Variants in AREL1 observed in about 807,000 individuals in gnomAD.
AREL1 encodes the protein apoptosis resistant E3 ubiquitin protein ligase 1, also known as apoptosis-resistant E3 ubiquitin protein ligase 1.
Under a neutral mutation model 99.0 loss-of-function variants are expected in AREL1, and 62 were observed. That is an observed-to-expected ratio of 0.63 (90% CI 0.51 to 0.77). The LOEUF (loss-of-function observed/expected upper bound fraction) is 0.77. Among genes scored for constraint, AREL1 ranks in the 30% least tolerant of loss-of-function variants. The probability of loss-of-function intolerance (pLI) is 0.00; values close to 1 mark genes in which losing one functional copy is unlikely to be tolerated. For synonymous variants in AREL1, 380 were observed against 376.5 expected, an observed-to-expected ratio of 1.01 and a Z score of -0.11; for missense variants, 879 against 1,027.6, an observed-to-expected ratio of 0.86 and a Z score of 1.98.
intron 15 of AREL1, among the ~76,000 whole-genome samples, chr14:74,669,188 G>A (rs372127621): frequency 6.6e-6 from 1 of 152,098 alleles, no homozygotes; most frequent in Admixed American, 6.6e-5. Context: ...GAGCCACTGC[G>A]CCCAGCCAAA....
chr14:74,683,190 T>A, intron 5 of AREL1, 106 bp downstream of exon 5: 2 of 777,304 alleles, frequency 2.6e-6, no homozygotes, highest in Non-Finnish European at 4.1e-6. Context: ...TTTTATGGCA[T>A]GGGAATTAAA....
chr14:74,701,960 C>T (rs2090092757), intron 1 of AREL1, among the ~76,000 whole-genome samples: 1 of 152,218 alleles, frequency 6.6e-6, no homozygotes, highest in Non-Finnish European at 1.5e-5. Context: ...GACTCCATGT[C>T]TCACATCCAG....
At chr14:74,699,376 T>TGTGA (rs1293143164) in intron 1 of AREL1, among the ~76,000 whole-genome samples, 172 of 135,606 alleles carry the variant, frequency 1.3e-3, no homozygotes, top group Middle Eastern at 3.7e-3. Flanking sequence ...TGTGTGTGTG[T>TGTGA]GAGAGAGAGA....
At chr14:74,678,341 A>G (rs2089542419) in intron 5 of AREL1, 2 of 381,204 alleles carry the variant, frequency 5.2e-6, no homozygotes, top group East Asian at 1.6e-4. Context: ...TACAAAAAAG[A>G]TAAAAAATTA....
At chr14:74,698,440 TCA>T (rs904028665) in intron 1 of AREL1, among the ~76,000 whole-genome samples, 10 of 152,182 alleles carry the variant, frequency 6.6e-5, no homozygotes, top group Non-Finnish European at 1.2e-4. Flanking sequence ...ACTCGATAAT[TCA>T]CAGACTACCA....
intron 9 of AREL1, among the ~76,000 whole-genome samples, chr14:74,673,505 CAATACGG>C (rs1359904507): frequency 6.6e-6 from 1 of 152,030 alleles, no homozygotes; most frequent in Non-Finnish European, 1.5e-5. Context: ...CAATAAATGG[CAATACGG>C]TGATATATTA....
Position 74,672,905 on chromosome 14 carries a change from G to A in AREL1, c.1348C>T (p.Leu450Phe). ...GGTCTTTTCATATGTACCTGCCGAA[G>A]CTCTCGCTGGAAAAAGTTCACCTTG... Reference protein sequence around the residue: ...QDKVNFFQRELRQVHMKRPHS... With the variant: ...QDKVNFFQREFRQVHMKRPHS... Residue 450 changes from leucine (L) to phenylalanine (F), a missense_variant, in exon 11 of 20, where the codon CTT becomes TTT. By Grantham distance (22) the Leu-to-Phe change is conservative (BLOSUM62 0). Coordinates refer to ENST00000356357, the MANE Select transcript of AREL1 (RefSeq NM_001039479.2). The A allele has an allele frequency of 6.2e-7, 1 of 1,614,130 alleles. No homozygotes were observed. The highest frequency in any genetic ancestry group is 8.5e-7 in the Non-Finnish European group (1 of 1,180,022).
chr14:74,683,917 G>C (rs1239173712), intron 4 of AREL1, among the ~76,000 whole-genome samples: 2 of 152,220 alleles, frequency 1.3e-5, no homozygotes, highest in Non-Finnish European at 2.9e-5. Flanking sequence ...GGCAATGAGT[G>C]AACTAAAGCG....
At chr14:74,711,208 G>C (rs1490104942) in intron 1 of AREL1, among the ~76,000 whole-genome samples, 1 of 141,016 alleles carries the variant, frequency 7.1e-6, no homozygotes, top group Non-Finnish European at 1.5e-5. Context: ...TCCAGCCTGG[G>C]TAACAAGAGC....
rs747387615 is a variant in AREL1, at chr14:74,684,525, G to A, written c.172C>T (p.Arg58Trp). Residue 58 changes from arginine (R) to tryptophan (W), a missense_variant, in exon 4 of 20, where the codon CGG becomes TGG. Coordinates refer to ENST00000356357, the MANE Select transcript of AREL1 (RefSeq NM_001039479.2). ...DYVRGNYLDPRSCKVSWDWKD... is the reference protein window; with the variant it reads ...DYVRGNYLDPWSCKVSWDWKD... Reference sequence around the variant, plus strand: ...CAATCCCAGGAGACTTTGCAAGACCGGGGATCCAGGTAATTTCCCCGCACG... The same window carrying A: ...CAATCCCAGGAGACTTTGCAAGACCAGGGATCCAGGTAATTTCCCCGCACG... 16 of 1,614,136 alleles carry A rather than the reference G, an allele frequency of 9.9e-6. No homozygotes were observed. The highest frequency in any genetic ancestry group is 4.4e-5 in the South Asian group (4 of 91,076).
chr14:74,698,876 A>G, intron 1 of AREL1: 1 of 201,556 alleles, frequency 5.0e-6, no homozygotes, highest in South Asian at 5.7e-5. Context: ...AAAAAAAAAA[A>G]AGCTGGGTGT....
intron 1 of AREL1, among the ~76,000 whole-genome samples, chr14:74,700,482 T>C (rs906202055): frequency 2.0e-5 from 3 of 152,200 alleles, no homozygotes; most frequent in African/African-American, 7.2e-5. Context: ...TCAGAAATAT[T>C]TAATTTGAAA....
rs554168539 is a variant in AREL1, at chr14:74,670,446, G to A, written c.1608+316C>T. On this transcript the variant is annotated intron_variant, in intron 13 of 19. Coordinates refer to ENST00000356357, the MANE Select transcript of AREL1 (RefSeq NM_001039479.2). ...CTCCTGACACCTTTGTCTAGACAAA[G>A]ATCTAGTACAGGAATCATTTGCTTC... Among the ~76,000 whole-genome samples, 3 of 152,256 alleles carry A rather than the reference G, an allele frequency of 2.0e-5. No homozygotes were observed. In the South Asian group the frequency reaches 6.2e-4, roughly 32 times the overall value.
intron 1 of AREL1, among the ~76,000 whole-genome samples, chr14:74,694,990 G>GAAAA (rs548884827): frequency 9.7e-5 from 8 of 82,690 alleles, no homozygotes; most frequent in Admixed American, 4.6e-4. Context: ...CTCTGTCTCG[G>GAAAA]AAAAAAAAAA....
chr14:74,672,777 G>A, intron 11 of AREL1, 54 bp downstream of exon 11: 2 of 1,610,262 alleles, frequency 1.2e-6, no homozygotes, highest in Non-Finnish European at 1.7e-6. Context: ...GCAGAATATA[G>A]ACATTCAATT....
At chr14:74,702,103 G>T (rs1186886903) in intron 1 of AREL1, among the ~76,000 whole-genome samples, 1 of 152,200 alleles carries the variant, frequency 6.6e-6, no homozygotes, top group East Asian at 1.9e-4. Flanking sequence ...CAGGCACATG[G>T]TACAAACTGT....
In AREL1 at chr14:74,661,603, TAG is replaced by T. The variant is rs2089078434; in HGVS notation, c.*2115_*2116del. On this transcript the variant is annotated 3_prime_UTR_variant, in exon 20 of 20. Transcript: ENST00000356357. ...ACACTGGCTAGTATGAAAGCAGGATTAGAAAAAAAAAAAACAAAACAGTAAAA... is the reference window on the plus strand; with the variant it reads ...ACACTGGCTAGTATGAAAGCAGGATTAAAAAAAAAAAACAAAACAGTAAAA... The T allele has an allele frequency of 1.9e-5, 3 of 155,608 alleles. No individual in the cohort carries two copies. Among genetic ancestry groups the T allele is most frequent in the South Asian group, 2.1e-4 (2 of 9,586 alleles). The allele number at this position is 155,608 out of a possible 1,614,324, so 9.6% of individuals were successfully genotyped here. A position where few individuals can be genotyped will look rare whatever the true frequency, so the allele number is the denominator to read the frequency against.
intron 11 of AREL1, chr14:74,672,010 C>A (rs1313451992): frequency 2.2e-6 from 1 of 455,370 alleles, no homozygotes; most frequent in South Asian, 1.6e-5. Context: ...AGGAACCAAG[C>A]CTTCTCATTC....
intron 1 of AREL1, among the ~76,000 whole-genome samples, chr14:74,704,562 GACAC>G (rs759096480): frequency 1.8e-4 from 27 of 152,182 alleles, no homozygotes; most frequent in Non-Finnish European, 2.5e-4. Flanking sequence ...AACAGAATGA[GACAC>G]AGATTTGCCC....
Sources: gnomAD v4.1 joint callset for allele counts (sites outside exome capture counted in the v4.1 genomes callset) on GRCh38, gnomAD v4.1.1 for gene constraint, MANE v1.5 for transcripts, NCBI Gene and HGNC (gene_info 2026-07-23, HGNC 2026-07-21) for gene names.